ZBTB44: variants seen among roughly 807,000 people sequenced by gnomAD.
The protein encoded by ZBTB44 is zinc finger and BTB domain-containing protein 44.
ZBTB44 carries 15 observed loss-of-function variants against 54.0 expected under a neutral mutation model. The ratio of observed to expected loss-of-function variants is 0.28; its 90% CI spans 0.19 to 0.43. The LOEUF (loss-of-function observed/expected upper bound fraction) is 0.43, where lower values mean the gene tolerates loss of function less well. Ranked by LOEUF, ZBTB44 falls within the 20% of genes least tolerant of loss-of-function variation. The probability of loss-of-function intolerance (pLI) is 1.00; values close to 1 mark genes in which losing one functional copy is unlikely to be tolerated. For missense variants in ZBTB44, 487 were observed against 707.1 expected (o/e 0.69, Z 3.53); for synonymous variants, 230 against 250.1 (o/e 0.92, Z 0.76).
At chr11:130,263,634 C>A (rs1227465293) in intron 1 of ZBTB44, among the ~76,000 whole-genome samples, 1 of 152,082 alleles carries the variant, frequency 6.6e-6, no homozygotes, top group East Asian at 1.9e-4. Flanking sequence ...TTGAATAGGC[C>A]CCAAACAACA....
intron 1 of ZBTB44, among the ~76,000 whole-genome samples, chr11:130,279,880 G>A (rs1054801450): frequency 6.6e-6 from 1 of 152,170 alleles, no homozygotes; most frequent in Non-Finnish European, 1.5e-5. Context: ...GCATTCAGAA[G>A]AGATTAAGAA....
intron 1 of ZBTB44, among the ~76,000 whole-genome samples, chr11:130,281,018 T>A (rs1592020942): frequency 6.6e-6 from 1 of 152,114 alleles, no homozygotes; most frequent in East Asian, 1.9e-4. Context: ...AGTTCTCTCA[T>A]TAACACAACA....
At position 130,239,502 on chromosome 11, in the gene ZBTB44, G is replaced by C. The variant is rs187010779; in HGVS notation, c.1103+310C>G. On this transcript the variant is annotated intron_variant, in intron 3 of 7. Coordinates refer to ENST00000357899, the MANE Select transcript of ZBTB44 (RefSeq NM_001301098.2). Reference sequence around the variant, plus strand: ...AATATGTCAGCAAATGAGCCTGGTTGTGTTCCAGTAATACTTGATTTACAA... The same window carrying C: ...AATATGTCAGCAAATGAGCCTGGTTCTGTTCCAGTAATACTTGATTTACAA... 8.3e-3 allele frequency: 2,158 copies of C among 261,302 alleles called. 14 individuals carry two copies. Among genetic ancestry groups the C allele is most frequent in the Middle Eastern group, 0.013 (9 of 708 alleles). 16.2% of individuals were successfully genotyped at this position (261,302 alleles called of 1,614,324 possible).
In ZBTB44 at chr11:130,239,759, G is replaced by C. The variant is rs772142963; in HGVS notation, c.1103+53C>G. 3.6e-6 allele frequency: 5 copies of C among 1,402,676 alleles called. No individual in the cohort carries two copies. In the African/African-American group the frequency reaches 5.7e-5, roughly 16 times the overall value. 86.9% of individuals were successfully genotyped at this position (1,402,676 alleles called of 1,614,324 possible). A position where few individuals can be genotyped will look rare whatever the true frequency, so the allele number is the denominator to read the frequency against. On this transcript the variant is annotated intron_variant, in intron 3 of 7. Coordinates refer to ENST00000357899, the MANE Select transcript of ZBTB44 (RefSeq NM_001301098.2). ...CTCTTGAGATGAAATGCTTGAATTT[G>C]GAGTTGTAAACACAACCCTTAAGAG... is the stretch of plus-strand genomic sequence containing the variant.
chr11:130,251,335 G>C (rs1937985041), intron 2 of ZBTB44, among the ~76,000 whole-genome samples: 1 of 152,158 alleles, frequency 6.6e-6, no homozygotes, highest in Non-Finnish European at 1.5e-5. Flanking sequence ...GTCCCTGAAA[G>C]TGACAGGGAG....
At chr11:130,296,648 T>C (rs1406391037) in intron 1 of ZBTB44, 9 of 944,514 alleles carry the variant, frequency 9.5e-6, no homozygotes, top group African/African-American at 3.2e-5. Context: ...CCCAGAATAA[T>C]TGGGTTTTCT....
At chr11:130,308,565 T>C (rs1166214957) in intron 1 of ZBTB44, among the ~76,000 whole-genome samples, 1 of 152,206 alleles carries the variant, frequency 6.6e-6, no homozygotes, top group Non-Finnish European at 1.5e-5. Flanking sequence ...TAAGATAATG[T>C]ATAAAATGTT....
In ZBTB44 at chr11:130,228,923, C is replaced by T. The variant is rs1953778553; in HGVS notation, c.*2841G>A. ...TAATAAAAGAATTTGACTTTATAAA[C>T]CAGGTACTTTGAACAAAAACTAAAA... On this transcript the variant is annotated 3_prime_UTR_variant, in exon 8 of 8. Coordinates refer to ENST00000357899, the MANE Select transcript of ZBTB44 (RefSeq NM_001301098.2). 6.6e-6 allele frequency: 1 copy of T among 152,162 alleles called. No individual in the cohort carries two copies. Among genetic ancestry groups the T allele is most frequent in the East Asian group, 1.9e-4 (1 of 5,202 alleles). The allele number at this position is 152,162 out of a possible 1,614,324, so 9.4% of individuals were successfully genotyped here. A position where few individuals can be genotyped will look rare whatever the true frequency, so the allele number is the denominator to read the frequency against.
intron 1 of ZBTB44, among the ~76,000 whole-genome samples, chr11:130,304,410 G>A (rs80280234): frequency 0.013 from 1,977 of 152,206 alleles, 48 homozygotes; most frequent in African/African-American, 0.045. Context: ...ATATTGGAAG[G>A]AGCTTAATTA....
chr11:130,238,527 G>A lies in ZBTB44; in HGVS notation c.1184C>T (p.Pro395Leu), dbSNP rs1403703330. 6.2e-7 allele frequency: 1 copy of A among 1,612,200 alleles called. No homozygotes were observed. Among genetic ancestry groups the A allele is most frequent in the East Asian group, 2.2e-5 (1 of 44,874 alleles). The stretch of plus-strand genomic sequence containing the variant: ...GGTTGGACACTGAAAAGGTCTGTCG[G>A]GACCATTTGGACTTGGTCGCTCTGT... ...SSTERPSPNG[P>L]DRPFQCPTCG... Residue 395 changes from proline to leucine, a missense_variant, in exon 4 of 8, where the codon CCC (proline) becomes CTC (leucine). Transcript: ENST00000357899.
chr11:130,290,531 T>G (rs1941241250), intron 1 of ZBTB44, among the ~76,000 whole-genome samples: 1 of 152,220 alleles, frequency 6.6e-6, no homozygotes, highest in East Asian at 1.9e-4. Flanking sequence ...TGCCTCTGCC[T>G]TGGACTACTG....
chr11:130,305,231 CA>C (rs1942202652), intron 1 of ZBTB44, among the ~76,000 whole-genome samples: 1 of 152,136 alleles, frequency 6.6e-6, no homozygotes, highest in Admixed American at 6.6e-5. Context: ...ATACCATCAT[CA>C]TTCTATAGAA....
At position 130,230,283 on chromosome 11, in the gene ZBTB44, C is replaced by T. The variant is rs181660814; in HGVS notation, c.*1481G>A. ...CAGCTTCCAAAGGCTCCCAAGAGAA[C>T]CATTTATAAACTGGGAGAGTCTCCT... is the stretch of plus-strand genomic sequence containing the variant. On this transcript the variant is annotated 3_prime_UTR_variant, in exon 8 of 8. Coordinates refer to ENST00000357899, the MANE Select transcript of ZBTB44 (RefSeq NM_001301098.2). 1.4e-4 allele frequency: 21 copies of T among 151,944 alleles called. No individual in the cohort carries two copies. Among genetic ancestry groups the T allele is most frequent in the Non-Finnish European group, 2.7e-4 (18 of 67,864 alleles). 9.4% of individuals were successfully genotyped at this position (151,944 alleles called of 1,614,324 possible). A position where few individuals can be genotyped will look rare whatever the true frequency, so the allele number is the denominator to read the frequency against.
rs1388924869 is a variant in ZBTB44, at chr11:130,231,673, CTTTT to C, written c.*87_*90del. ...TTCTTTATTCTTCTTTCCTTCTTTT[CTTTT>C]TTCTTTCCTCTTGCTCTTTCAAAAA... On this transcript the variant is annotated 3_prime_UTR_variant, in exon 8 of 8. Coordinates refer to ENST00000357899, the MANE Select transcript of ZBTB44 (RefSeq NM_001301098.2). 6.6e-6 allele frequency: 1 copy of C among 152,136 alleles called. No individual in the cohort carries two copies. Among genetic ancestry groups the C allele is most frequent in the Non-Finnish European group, 1.5e-5 (1 of 68,002 alleles). 9.4% of individuals were successfully genotyped at this position (152,136 alleles called of 1,614,324 possible). A position where few individuals can be genotyped will look rare whatever the true frequency, so the allele number is the denominator to read the frequency against.
chr11:130,239,563 T>C (rs1255580967), intron 3 of ZBTB44: 4 of 275,572 alleles, frequency 1.5e-5, no homozygotes, highest in East Asian at 8.0e-5. Flanking sequence ...CTGTGGTTCA[T>C]AGTTTGCCAA....
intron 2 of ZBTB44, among the ~76,000 whole-genome samples, chr11:130,253,394 C>T (rs543634264): frequency 1.3e-5 from 2 of 152,232 alleles, no homozygotes; most frequent in South Asian, 4.2e-4. Flanking sequence ...AATCAATGTG[C>T]AAAAATCACA....
chr11:130,247,685 T>C (rs915623472), intron 2 of ZBTB44, among the ~76,000 whole-genome samples: 7 of 152,234 alleles, frequency 4.6e-5, no homozygotes, highest in Middle Eastern at 6.8e-3. Context: ...TTCAAAACTT[T>C]ACAAGGTATA....
At chr11:130,244,767 C>T (rs1954571639) in intron 2 of ZBTB44, among the ~76,000 whole-genome samples, 1 of 151,500 alleles carries the variant, frequency 6.6e-6, no homozygotes, top group South Asian at 2.1e-4. Flanking sequence ...TGCTAATGAA[C>T]ATACGGGATG....
intron 1 of ZBTB44, among the ~76,000 whole-genome samples, chr11:130,279,484 C>T (rs1940353535): frequency 6.6e-6 from 1 of 152,186 alleles, no homozygotes; most frequent in Non-Finnish European, 1.5e-5. Context: ...CACGGCAAAA[C>T]CCTGTCTCCA....
Sources: gnomAD v4.1 joint callset for allele counts (sites outside exome capture counted in the v4.1 genomes callset) on GRCh38, gnomAD v4.1.1 for gene constraint, MANE v1.5 for transcripts, NCBI Gene and HGNC (gene_info 2026-07-23, HGNC 2026-07-21) for gene names.